The following ENTPD3 variants were observed in gnomAD, a reference collection of about 807,000 sequenced individuals.
The protein encoded by ENTPD3 is ectonucleoside triphosphate diphosphohydrolase 3.
A neutral mutation model predicts 51.2 loss-of-function variants in ENTPD3; 60 were observed. That is an observed-to-expected ratio of 1.17 (90% confidence interval 0.95 to 1.45). The LOEUF is 1.45. Ranked by LOEUF, ENTPD3 falls within the 40% of genes most tolerant of loss-of-function variation. The probability of loss-of-function intolerance (pLI) is 0.00; values close to 1 mark genes in which losing one functional copy is unlikely to be tolerated. For synonymous variants in ENTPD3, 221 were observed against 238.4 expected (o/e 0.93, Z 0.67); for missense variants, 593 against 641.1 (o/e 0.93, Z 0.81).
rs567955480 is a variant in ENTPD3 at position 40,411,246 on chromosome 3, G to A, written c.287-566G>A. Among the ~76,000 whole-genome samples the A allele has an allele frequency of 4.0e-5, 6 of 150,580 alleles. 1 individual carries two copies. The highest frequency in any genetic ancestry group is 6.8e-3 in the Middle Eastern group (2 of 292). ...GTGGAGGTTGTAGTGAGCCGAGATC[G>A]TGCCACTGTACTCCAGGCTGGGCGA... On this transcript the variant is annotated intron_variant, in intron 4 of 10. Coordinates refer to ENST00000301825, the MANE Select transcript of ENTPD3 (RefSeq NM_001248.4).
intron 7 of ENTPD3, 55 bp from the exon 8 acceptor site, chr3:40,422,795 G>A (rs1955905142): frequency 2.7e-6 from 4 of 1,502,682 alleles, no homozygotes; most frequent in Non-Finnish European, 3.6e-6. Flanking sequence ...CTTTGCTATT[G>A]TGAATAGTGC....
At position 40,402,123 on chromosome 3, in the gene ENTPD3, C is replaced by CTTTTTTTTTTTTTTTTTTT. The variant is rs58000344; in HGVS notation, c.286+1125_286+1126insTTTTTTTTTTTTTTTTTTT. Among the ~76,000 whole-genome samples, 441 of 95,028 alleles carry CTTTTTTTTTTTTTTTTTTT rather than the reference C, an allele frequency of 4.6e-3. 5 individuals are homozygous for CTTTTTTTTTTTTTTTTTTT. Among genetic ancestry groups the CTTTTTTTTTTTTTTTTTTT allele is most frequent in the Middle Eastern group, 0.024 (2 of 82 alleles). 62.3% of individuals were successfully genotyped at this position (95,028 alleles called of 152,430 possible). A position where few individuals can be genotyped will look rare whatever the true frequency, so the allele number is the denominator to read the frequency against. ...TTCATTTCCTTTCCTTTTTTTTTTT[C>CTTTTTTTTTTTTTTTTTTT]TTTTTTTTTTTTTGAGACAGAGTCT... is the stretch of plus-strand genomic sequence containing the variant. On this transcript the variant is annotated intron_variant, in intron 4 of 10. Transcript: ENST00000301825.
intron 7 of ENTPD3, among the ~76,000 whole-genome samples, chr3:40,419,875 A>C (rs1197534496): frequency 6.6e-6 from 1 of 152,182 alleles, no homozygotes; most frequent in Admixed American, 6.5e-5. Context: ...GAGCCCATTG[A>C]CTGACTTTTT....
At chr3:40,409,983 CT>C (rs1400220770) in intron 4 of ENTPD3, among the ~76,000 whole-genome samples, 2 of 152,120 alleles carry the variant, frequency 1.3e-5, no homozygotes, top group African/African-American at 4.8e-5. Context: ...ATTGGTTAAA[CT>C]TTTTTTAAAA....
intron 1 of ENTPD3, 102 bp from the exon 2 acceptor site, chr3:40,387,944 T>C (rs1954974860): frequency 2.2e-6 from 2 of 906,890 alleles, no homozygotes; most frequent in Non-Finnish European, 1.8e-6. Flanking sequence ...GGTTTTGATT[T>C]GGAGGAAGTA....
At chr3:40,424,965 C>CCTG in intron 10 of ENTPD3, 1 of 456,702 alleles carries the variant, frequency 2.2e-6, no homozygotes, top group South Asian at 4.0e-5. Flanking sequence ...ACTCTCTAAG[C>CCTG]TTTGCTTCTA....
intron 3 of ENTPD3, among the ~76,000 whole-genome samples, chr3:40,400,598 T>C (rs1460970406): frequency 3.3e-5 from 5 of 152,110 alleles, no homozygotes; most frequent in Non-Finnish European, 7.4e-5. Flanking sequence ...GATTCTGATT[T>C]AATTGGTATG....
At chr3:40,407,713 G>C (rs1955536393) in intron 4 of ENTPD3, among the ~76,000 whole-genome samples, 1 of 152,180 alleles carries the variant, frequency 6.6e-6, no homozygotes, top group Non-Finnish European at 1.5e-5. Context: ...AGAGGTTGGG[G>C]AGAGGAAGAG....
rs765542822 is a variant in ENTPD3 at position 40,388,098 on chromosome 3, G to T, written c.40+1G>T. The T allele has an allele frequency of 1.1e-5, 18 of 1,614,110 alleles. No homozygotes were observed. Among genetic ancestry groups the T allele is most frequent in the East Asian group, 2.2e-5 (1 of 44,880 alleles). On this transcript the variant is annotated splice_donor_variant, in intron 2 of 10. Coordinates refer to ENST00000301825, the MANE Select transcript of ENTPD3 (RefSeq NM_001248.4). LOFTEE classifies it high-confidence loss of function. ...ACCCGCCAACCATGTGAGCAAGCAG[G>T]TTAGTATCTCTCAGCAGGTAGCAAG...
At chr3:40,405,948 C>A (rs115146350) in intron 4 of ENTPD3, among the ~76,000 whole-genome samples, 2 of 152,082 alleles carry the variant, frequency 1.3e-5, no homozygotes, top group African/African-American at 4.8e-5. Flanking sequence ...CTGTTTGATA[C>A]GAACTGTTCT....
chr3:40,426,548 TAAAAG>T (rs1387326240), intron 10 of ENTPD3, among the ~76,000 whole-genome samples: 1 of 152,130 alleles, frequency 6.6e-6, no homozygotes, highest in Non-Finnish European at 1.5e-5. Flanking sequence ...ACCTACCAGT[TAAAAG>T]AGAGATGTCA....
At chr3:40,426,357 G>A (rs1377015137) in intron 10 of ENTPD3, among the ~76,000 whole-genome samples, 1 of 151,758 alleles carries the variant, frequency 6.6e-6, no homozygotes, top group Non-Finnish European at 1.5e-5. Context: ...ATCCCGCCTC[G>A]GCCTCCCAAA....
At chr3:40,397,151 G>A (rs562776813) in intron 3 of ENTPD3, among the ~76,000 whole-genome samples, 55 of 91,858 alleles carry the variant, frequency 6.0e-4, no homozygotes, top group African/African-American at 1.8e-3. Flanking sequence ...AGAAAGCCTC[G>A]GTCTCCTTAT....
Position 40,392,137 on chromosome 3 carries a change from C to T in ENTPD3, c.155C>T (p.Pro52Leu), listed in dbSNP as rs1272016640. 6.2e-7 allele frequency: 1 copy of T among 1,614,140 alleles called. No individual in the cohort carries two copies. Among genetic ancestry groups the T allele is most frequent in the Admixed American group, 1.7e-5 (1 of 60,024 alleles). Residue 52 changes from proline (P) to leucine (L), a missense_variant, in exon 3 of 11, where the codon CCT (proline) becomes CTT (leucine). Pro to Leu is a moderately conservative substitution (Grantham distance 98, BLOSUM62 -3). Coordinates refer to ENST00000301825, the MANE Select transcript of ENTPD3 (RefSeq NM_001248.4). ...CAGATCCACAAGCAAGAGGTCCTCC[C>T]TCCAGGACTGAAGGTAAGTGTGAAG... The part of the protein sequence containing the change: ...VIQIHKQEVL[P>L]PGLKYGIVLD...
At chr3:40,388,572 GCA>G (rs1426786871) in intron 2 of ENTPD3, among the ~76,000 whole-genome samples, 1 of 94,038 alleles carries the variant, frequency 1.1e-5, no homozygotes, top group African/African-American at 3.5e-5. Flanking sequence ...ACACTGGAAG[GCA>G]CACACACACA....
chr3:40,390,873 G>T (rs957291803), intron 2 of ENTPD3: 1 of 152,064 alleles, frequency 6.6e-6, no homozygotes, highest in Non-Finnish European at 1.5e-5. Flanking sequence ...CTGCCCCCTG[G>T]CAATCACTAT....
intron 3 of ENTPD3, among the ~76,000 whole-genome samples, chr3:40,396,996 C>T (rs1380326292): frequency 1.3e-5 from 2 of 152,148 alleles, no homozygotes; most frequent in Non-Finnish European, 2.9e-5. Flanking sequence ...ACCACTGGCC[C>T]AGTCTGTGTT....
rs952754628 is a variant in ENTPD3 at position 40,420,913 on chromosome 3, G to T, written c.832-1937G>T. Among the ~76,000 whole-genome samples the T allele has an allele frequency of 2.6e-5, 4 of 152,136 alleles. No homozygotes were observed. In the East Asian group the frequency reaches 7.7e-4, roughly 29 times the overall value. ...CTCACACCTGTAATCCTAGCACTTT[G>T]GGAGGCTAAGGCAGGAGAATCTCTT... On this transcript the variant is annotated intron_variant, in intron 7 of 10. Coordinates refer to ENST00000301825, the MANE Select transcript of ENTPD3 (RefSeq NM_001248.4).
At chr3:40,420,817 A>G (rs1262972283) in intron 7 of ENTPD3, among the ~76,000 whole-genome samples, 1 of 151,838 alleles carries the variant, frequency 6.6e-6, no homozygotes, top group African/African-American at 2.4e-5. Context: ...CAGTTTCCTC[A>G]TCAGTAAAAT....
Sources: gnomAD v4.1 joint callset for allele counts (sites outside exome capture counted in the v4.1 genomes callset) on GRCh38, gnomAD v4.1.1 for gene constraint, MANE v1.5 for transcripts, NCBI Gene and HGNC (gene_info 2026-07-23, HGNC 2026-07-21) for gene names.